The following GRID1 variants were observed in gnomAD, a reference collection of about 807,000 sequenced individuals.
GRID1 encodes the protein glutamate ionotropic receptor delta type subunit 1.
GRID1 carries 28 observed loss-of-function variants against 98.0 expected under a neutral mutation model. That is an observed-to-expected ratio of 0.29 (90% CI 0.21 to 0.39). The LOEUF (loss-of-function observed/expected upper bound fraction) is 0.39. Among genes scored for constraint, GRID1 ranks in the 10% least tolerant of loss-of-function variants. The probability of loss-of-function intolerance (pLI) is 1.00; values close to 1 mark genes in which losing one functional copy is unlikely to be tolerated. For synonymous variants in GRID1, 553 were observed against 538.5 expected (o/e 1.03, Z -0.37); for missense variants, 1,111 against 1,340.5 (o/e 0.83, Z 2.67).
Position 85,712,105 on chromosome 10 carries a change from C to G in GRID1, c.1997+10898G>C, listed in dbSNP as rs1488098186. On this transcript the variant is annotated intron_variant, in intron 12 of 15. Coordinates refer to ENST00000327946, the MANE Select transcript of GRID1 (RefSeq NM_017551.3). Reference sequence around the variant, plus strand: ...GCAGTAACAGAAAACATGAGGAACACAAATGATGTAAGTCATATAGAAATC... The same window carrying G: ...GCAGTAACAGAAAACATGAGGAACAGAAATGATGTAAGTCATATAGAAATC... Among the ~76,000 whole-genome samples, 26 of 151,740 alleles carry G rather than the reference C, an allele frequency of 1.7e-4. No homozygotes were observed. The East Asian group carries it at 1.9e-3, about 11-fold the overall frequency.
chr10:86,134,861 AC>A (rs892561116), intron 4 of GRID1, among the ~76,000 whole-genome samples: 14 of 152,274 alleles, frequency 9.2e-5, no homozygotes, highest in African/African-American at 2.9e-4. Context: ...CCGTGCTCTT[AC>A]AAGACTTGGC....
chr10:85,816,233 AT>A (rs1446840269), intron 8 of GRID1, among the ~76,000 whole-genome samples: 3 of 152,322 alleles, frequency 2.0e-5, no homozygotes, highest in African/African-American at 7.2e-5. Context: ...AAAAATTTTG[AT>A]AATGCCCTTA....
intron 6 of GRID1, among the ~76,000 whole-genome samples, chr10:85,867,696 G>T (rs144328847): frequency 2.6e-5 from 4 of 152,372 alleles, no homozygotes; most frequent in East Asian, 1.9e-4. Context: ...TTGAGTCCAT[G>T]AGTGATGCGG....
At chr10:85,744,391 G>GAAT in intron 8 of GRID1, among the ~76,000 whole-genome samples, 1 of 151,746 alleles carries the variant, frequency 6.6e-6, no homozygotes, top group African/African-American at 2.4e-5. Context: ...AAATGGAACA[G>GAAT]AACAGAGCCC....
At chr10:86,301,275 G>C (rs376090567) in intron 2 of GRID1, among the ~76,000 whole-genome samples, 1 of 152,164 alleles carries the variant, frequency 6.6e-6, no homozygotes, top group Non-Finnish European at 1.5e-5. Flanking sequence ...GTGGCTTGTC[G>C]ATTTTCTGCT....
At chr10:86,070,885 G>T (rs1038262950) in intron 4 of GRID1, among the ~76,000 whole-genome samples, 4 of 152,124 alleles carry the variant, frequency 2.6e-5, no homozygotes, top group Middle Eastern at 3.2e-3. Context: ...GGAAGCATCT[G>T]GGAAGAGAAC....
chr10:85,963,318 T>G lies in GRID1; in HGVS notation c.727-47079A>C, dbSNP rs182749237. ...TCCAACCCTTCCTTCCTTTCTCCAC[T>G]GCCACTACCTTACTCCCAGGTATTG... On this transcript the variant is annotated intron_variant, in intron 4 of 15. Coordinates refer to ENST00000327946, the MANE Select transcript of GRID1 (RefSeq NM_017551.3). Among the ~76,000 whole-genome samples the G allele has an allele frequency of 2.2e-3, 338 of 152,268 alleles. 2 individuals are homozygous for G. Among genetic ancestry groups the G allele is most frequent in the African/African-American group, 7.7e-3 (321 of 41,544 alleles).
intron 4 of GRID1, among the ~76,000 whole-genome samples, chr10:86,057,220 C>T (rs1843587521): frequency 6.6e-6 from 1 of 152,190 alleles, no homozygotes; most frequent in South Asian, 2.1e-4. Flanking sequence ...TTTCAGAGAA[C>T]AGGACATTTG....
At position 85,949,620 on chromosome 10, in the gene GRID1, TTACA is replaced by T. The variant is rs1446096070; in HGVS notation, c.727-33385_727-33382del. ...GTTTGTGCTCTGATGAGCACAATCT[TTACA>T]TCAAACCTTCTAGGCTTCCATCCTG... On this transcript the variant is annotated intron_variant, in intron 4 of 15. Coordinates refer to ENST00000327946, the MANE Select transcript of GRID1 (RefSeq NM_017551.3). Among the ~76,000 whole-genome samples the T allele has an allele frequency of 3.3e-5, 5 of 152,166 alleles. No homozygotes were observed. The East Asian group carries it at 9.6e-4, about 29-fold the overall frequency.
At chr10:86,009,783 C>A (rs1317555368) in intron 4 of GRID1, among the ~76,000 whole-genome samples, 3 of 152,170 alleles carry the variant, frequency 2.0e-5, no homozygotes, top group African/African-American at 7.2e-5. Context: ...AAGCAGAGGT[C>A]TGTAAACTTC....
chr10:86,265,998 G>A lies in GRID1; in HGVS notation c.236-59350C>T, dbSNP rs186433366. ...CCCTTCAGCCCTCTGAGATCCAGGG[G>A]TCTCTCTGCCCAGTGACCCCTCTCA... is the stretch of plus-strand genomic sequence containing the variant. On this transcript the variant is annotated intron_variant, in intron 2 of 15. Coordinates refer to ENST00000327946, the MANE Select transcript of GRID1 (RefSeq NM_017551.3). Among the ~76,000 whole-genome samples the A allele has an allele frequency of 2.8e-3, 433 of 152,128 alleles. 2 individuals are homozygous for A. Among genetic ancestry groups the A allele is most frequent in the Non-Finnish European group, 4.3e-3 (290 of 67,992 alleles).
At chr10:86,300,836 C>T (rs1014397155) in intron 2 of GRID1, among the ~76,000 whole-genome samples, 1 of 152,094 alleles carries the variant, frequency 6.6e-6, no homozygotes, top group African/African-American at 2.4e-5. Flanking sequence ...GGAGAATGCA[C>T]CTAGAGTCCA....
intron 4 of GRID1, among the ~76,000 whole-genome samples, chr10:86,086,601 T>G (rs1258884316): frequency 6.6e-6 from 1 of 152,080 alleles, no homozygotes; most frequent in Non-Finnish European, 1.5e-5. Context: ...AACAATTGAG[T>G]GTGCCTGTGT....
chr10:85,699,284 C>T (rs975859584), intron 12 of GRID1, among the ~76,000 whole-genome samples: 2 of 152,108 alleles, frequency 1.3e-5, no homozygotes, highest in Non-Finnish European at 2.9e-5. Context: ...GAGCTCCTGA[C>T]CTTAGGTGAT....
At chr10:85,778,866 G>A (rs996217391) in intron 8 of GRID1, among the ~76,000 whole-genome samples, 1 of 152,090 alleles carries the variant, frequency 6.6e-6, no homozygotes, top group African/African-American at 2.4e-5. Flanking sequence ...TGCAAAATGG[G>A]GCCAATATCA....
chr10:85,629,517 G>A (rs1842951301), intron 13 of GRID1, among the ~76,000 whole-genome samples: 1 of 151,996 alleles, frequency 6.6e-6, no homozygotes, highest in Non-Finnish European at 1.5e-5. Context: ...TTTCACTTAA[G>A]AGAGTGACCT....
chr10:85,939,911 C>G (rs913033942), intron 4 of GRID1, among the ~76,000 whole-genome samples: 1 of 151,682 alleles, frequency 6.6e-6, no homozygotes, highest in African/African-American at 2.4e-5. Context: ...ACTAAAAATA[C>G]AAAAAATTAG....
At chr10:86,314,484 C>A (rs774560496) in intron 2 of GRID1, among the ~76,000 whole-genome samples, 5 of 152,218 alleles carry the variant, frequency 3.3e-5, no homozygotes, top group Admixed American at 2.6e-4. Flanking sequence ...GCTTACAGAG[C>A]CTGGCCTGGG....
intron 2 of GRID1, among the ~76,000 whole-genome samples, chr10:86,268,793 C>T (rs1465492806): frequency 1.3e-5 from 2 of 152,102 alleles, no homozygotes; most frequent in East Asian, 3.9e-4. Context: ...GAGTTTGAGA[C>T]TAGCCTGGTC....
Sources: allele counts gnomAD v4.1 joint callset (sites outside exome capture counted in the v4.1 genomes callset), GRCh38; gene constraint gnomAD v4.1.1; transcripts MANE v1.5; gene names NCBI Gene and HGNC (gene_info 2026-07-23, HGNC 2026-07-21).